The following COL22A1 variants were observed in gnomAD, a reference collection of about 807,000 sequenced individuals.
The protein encoded by COL22A1 is collagen type XXII alpha 1 chain.
A neutral mutation model predicts 248.9 loss-of-function variants in COL22A1; 221 were observed. The observed-to-expected ratio is 0.89, with a 90% confidence interval of 0.80 to 0.99. COL22A1 has a LOEUF of 0.99. COL22A1 is among the 50% of genes least tolerant of loss of function. The pLI, the probability that COL22A1 is intolerant of heterozygous loss-of-function variation, is 0.00. For missense variants in COL22A1, 2,240 were observed against 2,179.0 expected, an observed-to-expected ratio of 1.03 and a Z score of -0.56; for synonymous variants, 891 against 793.4, an observed-to-expected ratio of 1.12 and a Z score of -2.07.
chr8:138,768,924 G>T (rs971771979), intron 16 of COL22A1, among the ~76,000 whole-genome samples: 2 of 151,832 alleles, frequency 1.3e-5, no homozygotes, highest in Non-Finnish European at 2.9e-5. Flanking sequence ...GCAATAGAGT[G>T]AGACTCCATC....
chr8:138,610,178 T>C (rs753199317), intron 56 of COL22A1, among the ~76,000 whole-genome samples: 1 of 152,208 alleles, frequency 6.6e-6, no homozygotes, highest in Non-Finnish European at 1.5e-5. Flanking sequence ...CATCCGTGAA[T>C]GCGGACAGAA....
At chr8:138,611,146 T>A (rs931213884) in intron 56 of COL22A1, among the ~76,000 whole-genome samples, 1 of 152,252 alleles carries the variant, frequency 6.6e-6, no homozygotes, top group Non-Finnish European at 1.5e-5. Context: ...CGCTGCCCTA[T>A]GCCAAGAGGC....
At chr8:138,858,743 C>T (rs139935731) in intron 3 of COL22A1, among the ~76,000 whole-genome samples, 1 of 152,218 alleles carries the variant, frequency 6.6e-6, no homozygotes, top group South Asian at 2.1e-4. Flanking sequence ...GCAGGAAAAA[C>T]CAAACAAAAA....
chr8:138,813,674 G>A (rs1462621195), intron 7 of COL22A1, among the ~76,000 whole-genome samples: 2 of 150,324 alleles, frequency 1.3e-5, no homozygotes, highest in Admixed American at 6.6e-5. Context: ...TTCAGGACAC[G>A]TTAAAGTCCA....
rs182316276 is a variant in COL22A1 at position 138,664,135 on chromosome 8, C to T, written c.3151-395G>A. On this transcript the variant is annotated intron_variant, in intron 41 of 64. Transcript: ENST00000303045. ...ACGGGCATGATAACGACCACATTCCCCAGCCATAGCGCTAGTGTCTGAGGC... is the reference window on the plus strand; with the variant it reads ...ACGGGCATGATAACGACCACATTCCTCAGCCATAGCGCTAGTGTCTGAGGC... 7.3e-5 allele frequency among the ~76,000 whole-genome samples: 11 copies of T among 150,634 alleles called. 1 individual carries two copies. The East Asian group carries it at 2.2e-3, about 30-fold the overall frequency.
intron 3 of COL22A1, among the ~76,000 whole-genome samples, chr8:138,856,615 AGAG>A (rs1178409572): frequency 7.0e-6 from 1 of 142,872 alleles, no homozygotes; most frequent in Admixed American, 6.9e-5. Context: ...AGAGAGAGAG[AGAG>A]GAGCAGAGAA....
intron 45 of COL22A1, among the ~76,000 whole-genome samples, chr8:138,655,250 T>C (rs1040631018): frequency 3.3e-5 from 5 of 152,254 alleles, no homozygotes; most frequent in African/African-American, 1.2e-4. Flanking sequence ...CCAAATAATG[T>C]TCTGCTCTAT....
Position 138,602,105 on chromosome 8 carries a change from C to G in COL22A1, c.4185+10G>C. 1 of 1,614,104 alleles carries G rather than the reference C, an allele frequency of 6.2e-7. No homozygotes were observed. The highest frequency in any genetic ancestry group is 8.5e-7 in the Non-Finnish European group (1 of 1,179,996). ...TCGGCGTGTTCAAGGTGCCTGTGCTCTCCACTCACCCTTTCTCCTTTGAAT... is the reference window on the plus strand; with the variant it reads ...TCGGCGTGTTCAAGGTGCCTGTGCTGTCCACTCACCCTTTCTCCTTTGAAT... On this transcript the variant is annotated intron_variant, in intron 60 of 64. Transcript: ENST00000303045.
At position 138,720,773 on chromosome 8, in the gene COL22A1, CCT is replaced by C. The variant is rs1563665363; in HGVS notation, c.2319_2320del (p.Glu775ArgfsTer51). 1.2e-6 allele frequency: 2 copies of C among 1,613,932 alleles called. No individual in the cohort carries two copies. Among genetic ancestry groups the C allele is most frequent in the Non-Finnish European group, 8.5e-7 (1 of 1,179,842 alleles). ...TGGTTTTCCAGGCAGACCATCTTCC[CCT>C]CTTTCTCCTGGTTCTCCCTGGAAGG... On this transcript the variant is annotated frameshift_variant, in exon 27 of 65. Coordinates refer to ENST00000303045, the MANE Select transcript of COL22A1 (RefSeq NM_152888.3). LOFTEE classifies it high-confidence loss of function.
chr8:138,675,907 A>T (rs886205132), intron 41 of COL22A1, among the ~76,000 whole-genome samples: 3 of 152,198 alleles, frequency 2.0e-5, no homozygotes, highest in Non-Finnish European at 4.4e-5. Flanking sequence ...GCAGAGCCAG[A>T]TGTACTGGCT....
intron 41 of COL22A1, among the ~76,000 whole-genome samples, chr8:138,671,446 T>G (rs1041443671): frequency 6.6e-6 from 1 of 152,240 alleles, no homozygotes; most frequent in African/African-American, 2.4e-5. Context: ...GGCCACCTCC[T>G]GTTGCGATTG....
intron 42 of COL22A1, 113 bp downstream of exon 42, chr8:138,663,592 G>A (rs1016239187): frequency 2.9e-5 from 24 of 817,320 alleles, no homozygotes; most frequent in Non-Finnish European, 4.1e-5. Context: ...TTCAATAATA[G>A]GAGGAAATTT....
At chr8:138,632,394 A>G (rs1433465956) in intron 49 of COL22A1, among the ~76,000 whole-genome samples, 1 of 152,204 alleles carries the variant, frequency 6.6e-6, no homozygotes, top group African/African-American at 2.4e-5. Flanking sequence ...AGGAGTTAGC[A>G]CCAGAGAAAT....
At chr8:138,681,911 T>C (rs1825992970) in intron 39 of COL22A1, among the ~76,000 whole-genome samples, 1 of 152,232 alleles carries the variant, frequency 6.6e-6, no homozygotes, top group South Asian at 2.1e-4. Flanking sequence ...TGGTCTACAT[T>C]GACCAAATTA....
In COL22A1 at chr8:138,811,851, T is replaced by G. The variant is rs1818259639; in HGVS notation, c.1397A>C (p.Glu466Ala). 1 of 1,306,256 alleles carries G rather than the reference T, an allele frequency of 7.7e-7. No individual in the cohort carries two copies. The highest frequency in any genetic ancestry group is 1.6e-5 in the African/African-American group (1 of 63,562). 80.9% of individuals were successfully genotyped at this position (1,306,256 alleles called of 1,614,324 possible). A position where few individuals can be genotyped will look rare whatever the true frequency, so the allele number is the denominator to read the frequency against. Residue 466 changes from glutamate (E) to alanine (A), a missense_variant, in exon 9 of 65, where the codon GAA becomes GCA. Glu to Ala is a moderately radical substitution (Grantham distance 107). Coordinates refer to ENST00000303045, the MANE Select transcript of COL22A1 (RefSeq NM_152888.3). ...GATGGTCTTCAAAAACCCAATCTGT[T>G]CACTGCCTGGGGTGGGAGGCCGCTG... ...PPQRPPTPGS[E>A]QIGFLKTINC...
At chr8:138,705,254 A>G (rs1474240736) in intron 30 of COL22A1, among the ~76,000 whole-genome samples, 2 of 152,226 alleles carry the variant, frequency 1.3e-5, no homozygotes, top group Non-Finnish European at 2.9e-5. Context: ...GAGGCAGGCC[A>G]ACGTTCAAAT....
intron 49 of COL22A1, among the ~76,000 whole-genome samples, chr8:138,633,128 T>C (rs999319419): frequency 6.6e-6 from 1 of 152,190 alleles, no homozygotes; most frequent in East Asian, 1.9e-4. Flanking sequence ...ACTAAAACAA[T>C]GCATACATGA....
chr8:138,639,333 G>A (rs1002834760), intron 47 of COL22A1, among the ~76,000 whole-genome samples: 6 of 152,060 alleles, frequency 3.9e-5, no homozygotes, highest in East Asian at 1.9e-4. Flanking sequence ...TTACTTTTCC[G>A]GCTATTTTCC....
At chr8:138,847,163 T>C (rs1821305960) in intron 3 of COL22A1, among the ~76,000 whole-genome samples, 1 of 152,184 alleles carries the variant, frequency 6.6e-6, no homozygotes, top group South Asian at 2.1e-4. Flanking sequence ...TCAGACCTGG[T>C]TGGACCTCAG....
Sources: allele counts gnomAD v4.1 joint callset (sites outside exome capture counted in the v4.1 genomes callset), GRCh38; gene constraint gnomAD v4.1.1; transcripts MANE v1.5; gene names NCBI Gene and HGNC (gene_info 2026-07-23, HGNC 2026-07-21).